Variants in PPME1 observed in about 807,000 individuals in gnomAD.
PPME1 encodes testicular secretory protein Li 39.
PPME1 carries 17 observed loss-of-function variants against 56.9 expected under a neutral mutation model. The observed-to-expected ratio is 0.30, with a 90% CI of 0.20 to 0.45. The LOEUF is 0.45. PPME1 is among the 20% of genes least tolerant of loss of function. The pLI is 1.00. For missense variants in PPME1, 357 were observed against 483.2 expected, an observed-to-expected ratio of 0.74 and a Z score of 2.45; for synonymous variants, 122 against 156.2, an observed-to-expected ratio of 0.78 and a Z score of 1.63.
At chr11:74,222,971 T>G (rs1222201287) in intron 4 of PPME1, among the ~76,000 whole-genome samples, 4 of 152,272 alleles carry the variant, frequency 2.6e-5, no homozygotes, top group Non-Finnish European at 5.9e-5. Flanking sequence ...TTTTAAGTTT[T>G]AGGGTACATG....
intron 1 of PPME1, among the ~76,000 whole-genome samples, chr11:74,182,058 G>A (rs899368993): frequency 1.3e-5 from 2 of 152,178 alleles, no homozygotes; most frequent in African/African-American, 4.8e-5. Context: ...ATTTCCCGTA[G>A]GCTGTAGTTT....
At chr11:74,177,373 C>T (rs756887238) in intron 1 of PPME1, among the ~76,000 whole-genome samples, 33 of 151,118 alleles carry the variant, frequency 2.2e-4, no homozygotes, top group Admixed American at 2.0e-3. Context: ...CATTTGAGTC[C>T]GGGAAGCAAA....
At chr11:74,239,767 A>C (rs888272685) in intron 9 of PPME1, among the ~76,000 whole-genome samples, 14 of 151,374 alleles carry the variant, frequency 9.2e-5, no homozygotes, top group Non-Finnish European at 1.6e-4. Flanking sequence ...TTTTTAGTAG[A>C]GACGGGGTTT....
chr11:74,218,521 CA>C (rs1247872808), intron 3 of PPME1, among the ~76,000 whole-genome samples: 1 of 152,108 alleles, frequency 6.6e-6, no homozygotes, highest in Non-Finnish European at 1.5e-5. Flanking sequence ...TTATAACAAC[CA>C]GAGCAGCATG....
At chr11:74,198,697 C>A (rs1481585243) in intron 1 of PPME1, 1 of 58,864 alleles carries the variant, frequency 1.7e-5, no homozygotes, top group African/African-American at 3.2e-5. Context: ...AAGCAATCCT[C>A]CCCCCTTGAC....
chr11:74,174,357 T>C (rs1225119161), intron 1 of PPME1, among the ~76,000 whole-genome samples: 1 of 152,234 alleles, frequency 6.6e-6, no homozygotes, highest in Non-Finnish European at 1.5e-5. Flanking sequence ...TTGTGTATCT[T>C]ACTCATTTGC....
At chr11:74,217,484 G>A (rs73549028) in intron 3 of PPME1, among the ~76,000 whole-genome samples, 2,583 of 137,146 alleles carry the variant, frequency 0.019, 73 homozygotes, top group African/African-American at 0.066. Flanking sequence ...GGAGGTTGCA[G>A]TAAGCCAGGA....
rs557450194 is a variant in PPME1 at position 74,201,358 on chromosome 11, A to G, written c.102-2370A>G. Among the ~76,000 whole-genome samples, 76 of 147,712 alleles carry G rather than the reference A, an allele frequency of 5.1e-4. 1 individual carries two copies. The South Asian group carries it at 0.015, about 30-fold the overall frequency. ...TCTCCTGTGAATAATTTCTACTTAT[A>G]GGAAGTAAGTTTTAACTGGTACCTG... On this transcript the variant is annotated intron_variant, in intron 1 of 13. Coordinates refer to ENST00000328257, the MANE Select transcript of PPME1 (RefSeq NM_016147.3).
chr11:74,241,233 A>G (rs1371024730), intron 9 of PPME1, among the ~76,000 whole-genome samples: 2 of 152,212 alleles, frequency 1.3e-5, no homozygotes, highest in Non-Finnish European at 2.9e-5. Context: ...ATGGAACTAT[A>G]TAATATGTGG....
chr11:74,172,509 T>C (rs558633796), intron 1 of PPME1, among the ~76,000 whole-genome samples: 1 of 152,250 alleles, frequency 6.6e-6, no homozygotes, highest in Non-Finnish European at 1.5e-5. Flanking sequence ...TAGTGAAGCA[T>C]TGGGAGTTCG....
intron 3 of PPME1, among the ~76,000 whole-genome samples, chr11:74,215,038 T>C (rs1858591733): frequency 6.6e-6 from 1 of 152,142 alleles, no homozygotes; most frequent in Non-Finnish European, 1.5e-5. Context: ...TACAATAATA[T>C]ATAAATAGAA....
chr11:74,202,802 T>C (rs1286021115), intron 1 of PPME1, among the ~76,000 whole-genome samples: 1 of 152,044 alleles, frequency 6.6e-6, no homozygotes, highest in Non-Finnish European at 1.5e-5. Flanking sequence ...AGATTGAAAA[T>C]TTTTCCTCTC....
Position 74,253,565 on chromosome 11 carries a change from C to A in PPME1, c.*55C>A. 1 of 1,549,998 alleles carries A rather than the reference C, an allele frequency of 6.5e-7. No individual in the cohort carries two copies. The highest frequency in any genetic ancestry group is 8.9e-7 in the Non-Finnish European group (1 of 1,121,842). On this transcript the variant is annotated 3_prime_UTR_variant, in exon 14 of 14. Transcript: ENST00000328257. ...GAGCTCTGTTGTAAATACGTCGCACCAGAGGCCACTGTGATGCCACTGTCT... is the reference window on the plus strand; with the variant it reads ...GAGCTCTGTTGTAAATACGTCGCACAAGAGGCCACTGTGATGCCACTGTCT...
At chr11:74,189,513 C>T (rs1483937839) in intron 1 of PPME1, among the ~76,000 whole-genome samples, 1 of 152,082 alleles carries the variant, frequency 6.6e-6, no homozygotes, top group Non-Finnish European at 1.5e-5. Flanking sequence ...GGTTTCAAAC[C>T]CCTAGGCTTA....
chr11:74,243,066 G>A (rs1859414250), intron 9 of PPME1, among the ~76,000 whole-genome samples: 1 of 151,992 alleles, frequency 6.6e-6, no homozygotes, highest in Non-Finnish European at 1.5e-5. Flanking sequence ...TGTGGTGGAT[G>A]CCCTTGTGTG....
chr11:74,201,895 G>A (rs920459863), intron 1 of PPME1, among the ~76,000 whole-genome samples: 1 of 152,016 alleles, frequency 6.6e-6, no homozygotes, highest in South Asian at 2.1e-4. Context: ...TAACTTGTGA[G>A]TAAGTAGAAT....
At chr11:74,253,395 G>A (rs1048066146) in intron 13 of PPME1, 97 bp from the exon 14 acceptor site, 16 of 1,283,598 alleles carry the variant, frequency 1.2e-5, no homozygotes, top group Non-Finnish European at 1.5e-5. Flanking sequence ...CAGGGCCTTG[G>A]TGGTCATTAG....
chr11:74,230,119 G>A lies in PPME1; in HGVS notation c.399-126G>A. The A allele has an allele frequency of 2.0e-6, 2 of 1,015,066 alleles. No homozygotes were observed. The highest frequency in any genetic ancestry group is 2.9e-6 in the Non-Finnish European group (2 of 697,118). 62.9% of individuals were successfully genotyped at this position (1,015,066 alleles called of 1,614,324 possible). A position where few individuals can be genotyped will look rare whatever the true frequency, so the allele number is the denominator to read the frequency against. On this transcript the variant is annotated intron_variant, in intron 5 of 13. Coordinates refer to ENST00000328257, the MANE Select transcript of PPME1 (RefSeq NM_016147.3). The surrounding 1 kb of genome is among the most constrained non-coding windows in gnomAD (Gnocchi z 4.9). ...AAGGTTTACATAGGTATGTTTGTAA[G>A]ATGGCCCAATAGACTTTTACAGTTT...
chr11:74,196,993 A>G (rs1397549122), intron 1 of PPME1, among the ~76,000 whole-genome samples: 1 of 152,196 alleles, frequency 6.6e-6, no homozygotes, highest in Admixed American at 6.5e-5. Context: ...GGCAAGTCCC[A>G]GCCTCATTTT....
Sources: allele counts gnomAD v4.1 joint callset (sites outside exome capture counted in the v4.1 genomes callset), GRCh38; gene constraint gnomAD v4.1.1; non-coding constraint Gnocchi (gnomAD v3.1); transcripts MANE v1.5; gene names NCBI Gene and HGNC (gene_info 2026-07-23, HGNC 2026-07-21).